DOCK1: variants seen among roughly 807,000 people sequenced by gnomAD.
DOCK1 encodes dedicator of cytokinesis 1.
A neutral mutation model predicts 262.7 loss-of-function variants in DOCK1; 138 were observed. The ratio of observed to expected loss-of-function variants is 0.53; its 90% CI spans 0.46 to 0.61. DOCK1 has a LOEUF of 0.61. Ranked by LOEUF, DOCK1 falls within the 20% of genes least tolerant of loss-of-function variation. The pLI is 0.00. For missense variants in DOCK1, 1,908 were observed against 2,370.7 expected (o/e 0.80, Z 4.05); for synonymous variants, 866 against 867.4 (o/e 1.00, Z 0.03).
chr10:126,960,745 T>TATATATATATATATATATATATACACAC (rs1429186588), intron 1 of DOCK1, among the ~76,000 whole-genome samples: 1 of 115,500 alleles, frequency 8.7e-6, no homozygotes, highest in Non-Finnish European at 1.8e-5. Context: ...TATATATATA[T>TATATATATATATATATATATATACACAC]ACACACACAC....
chr10:126,952,042 A>G (rs941445904), intron 1 of DOCK1, among the ~76,000 whole-genome samples: 12 of 151,654 alleles, frequency 7.9e-5, no homozygotes, highest in Non-Finnish European at 1.0e-4. Flanking sequence ...TAGAGATGGG[A>G]TTTCACCATG....
At chr10:127,038,314 C>G (rs2043790869) in intron 19 of DOCK1, among the ~76,000 whole-genome samples, 1 of 152,172 alleles carries the variant, frequency 6.6e-6, no homozygotes, top group Non-Finnish European at 1.5e-5. Flanking sequence ...GGGGGACTCT[C>G]TGGGTTAGCC....
intron 1 of DOCK1, among the ~76,000 whole-genome samples, chr10:126,912,460 C>T (rs1221303141): frequency 5.3e-5 from 8 of 150,512 alleles, no homozygotes; most frequent in Non-Finnish European, 1.0e-4. Context: ...GGCGCGGTGG[C>T]TCACGCCTGT....
chr10:127,195,518 A>C (rs1026303350), intron 27 of DOCK1, among the ~76,000 whole-genome samples: 2 of 148,888 alleles, frequency 1.3e-5, no homozygotes, highest in African/African-American at 2.4e-5. Context: ...CTCTGTTCCA[A>C]CTCATCCCCC....
At chr10:127,301,904 C>T (rs1212271723) in intron 29 of DOCK1, among the ~76,000 whole-genome samples, 2 of 150,780 alleles carry the variant, frequency 1.3e-5, no homozygotes, top group African/African-American at 4.9e-5. Flanking sequence ...TGAGATCGCA[C>T]CACTGCACTC....
intron 48 of DOCK1, among the ~76,000 whole-genome samples, chr10:127,438,017 A>T (rs2069814626): frequency 1.3e-5 from 2 of 152,144 alleles, no homozygotes; most frequent in Admixed American, 6.5e-5. Context: ...AAAATGTAAG[A>T]TCCTAGTAAC....
chr10:126,949,142 C>T (rs978299164), intron 1 of DOCK1, among the ~76,000 whole-genome samples: 1 of 152,066 alleles, frequency 6.6e-6, no homozygotes, highest in Admixed American at 6.6e-5. Flanking sequence ...TCTGGGTTCC[C>T]CTCTGCACTT....
chr10:127,431,274 C>T (rs574769014), intron 47 of DOCK1, among the ~76,000 whole-genome samples: 1 of 152,334 alleles, frequency 6.6e-6, no homozygotes, highest in Admixed American at 6.5e-5. Flanking sequence ...AAGTAAAGCC[C>T]TGATGTCTTG....
At chr10:126,977,886 T>TAA in intron 2 of DOCK1, 62 bp from the exon 3 acceptor site, 1 of 1,506,612 alleles carries the variant, frequency 6.6e-7, no homozygotes, top group Non-Finnish European at 9.2e-7. Flanking sequence ...ACATCATGAA[T>TAA]GTATTGTGAG....
rs548901965 is a variant in DOCK1 at position 127,389,741 on chromosome 10, C to T, written c.3927+4832C>T. 5.9e-5 allele frequency among the ~76,000 whole-genome samples: 9 copies of T among 152,168 alleles called. No individual in the cohort carries two copies. In the South Asian group the frequency reaches 6.2e-4, roughly 11 times the overall value. On this transcript the variant is annotated intron_variant, in intron 38 of 51. Coordinates refer to ENST00000623213, the MANE Select transcript of DOCK1 (RefSeq NM_001290223.2). ...TCAAAAGTGTGTGGGACCGGCCGGG[C>T]GTGGTGGCTCATGCCTGTAATCCCA...
chr10:127,314,153 G>A (rs892665128), intron 29 of DOCK1, among the ~76,000 whole-genome samples: 3 of 152,204 alleles, frequency 2.0e-5, no homozygotes, highest in Non-Finnish European at 4.4e-5. Context: ...CCAAAGACCT[G>A]GGGATCCGAA....
intron 29 of DOCK1, among the ~76,000 whole-genome samples, chr10:127,282,357 A>G (rs751625270): frequency 9.9e-5 from 15 of 152,174 alleles, no homozygotes; most frequent in Non-Finnish European, 2.2e-4. Context: ...TGCTGGATGG[A>G]AAAGAGGACA....
chr10:127,103,586 A>C (rs2048374310), intron 23 of DOCK1, among the ~76,000 whole-genome samples: 1 of 152,212 alleles, frequency 6.6e-6, no homozygotes, highest in African/African-American at 2.4e-5. Flanking sequence ...ATTCTTAAAC[A>C]AAAGACTTAT....
chr10:127,298,434 C>T (rs1294956307), intron 29 of DOCK1, among the ~76,000 whole-genome samples: 1 of 152,158 alleles, frequency 6.6e-6, no homozygotes, highest in Non-Finnish European at 1.5e-5. Flanking sequence ...AATTACTGCT[C>T]CTGGTTCAGT....
intron 27 of DOCK1, among the ~76,000 whole-genome samples, chr10:127,204,062 G>A (rs935979999): frequency 3.3e-5 from 5 of 151,890 alleles, no homozygotes; most frequent in South Asian, 4.2e-4. Flanking sequence ...CCTGTATCTC[G>A]GCAGTCACAG....
chr10:127,188,149 A>C (rs2056448419), intron 27 of DOCK1, among the ~76,000 whole-genome samples: 1 of 152,174 alleles, frequency 6.6e-6, no homozygotes, highest in Non-Finnish European at 1.5e-5. Context: ...TGGGATGATC[A>C]CCAGCAGATC....
At position 127,184,357 on chromosome 10, in the gene DOCK1, A is replaced by G. The variant is rs563422933; in HGVS notation, c.2847+56593A>G. On this transcript the variant is annotated intron_variant, in intron 27 of 51. Coordinates refer to ENST00000623213, the MANE Select transcript of DOCK1 (RefSeq NM_001290223.2). The stretch of plus-strand genomic sequence containing the variant: ...CCCAAATCAGTCGTCACCATGCCCT[A>G]TTCGTTTTTGTTTTTCCTTCCTGTT... Among the ~76,000 whole-genome samples, 12 of 122,744 alleles carry G rather than the reference A, an allele frequency of 9.8e-5. No homozygotes were observed. The East Asian group carries it at 2.4e-3, about 24-fold the overall frequency. 80.5% of individuals were successfully genotyped at this position (122,744 alleles called of 152,430 possible).
intron 27 of DOCK1, among the ~76,000 whole-genome samples, chr10:127,187,612 G>A (rs935397492): frequency 1.3e-5 from 2 of 151,988 alleles, no homozygotes; most frequent in Admixed American, 6.6e-5. Context: ...TCCTCCTACA[G>A]GAAGGAGGTA....
At chr10:127,447,018 T>TAGCAGC (rs1462680888) in intron 50 of DOCK1, among the ~76,000 whole-genome samples, 3 of 152,136 alleles carry the variant, frequency 2.0e-5, no homozygotes, top group Non-Finnish European at 4.4e-5. Context: ...TCGAAAGCAG[T>TAGCAGC]AGCAGCAGCA....
Sources: gnomAD v4.1 joint callset for allele counts (sites outside exome capture counted in the v4.1 genomes callset) on GRCh38, gnomAD v4.1.1 for gene constraint, MANE v1.5 for transcripts, NCBI Gene and HGNC (gene_info 2026-07-23, HGNC 2026-07-21) for gene names.